The following ATP8A2 variants were observed in gnomAD, a reference collection of about 807,000 sequenced individuals.
ATP8A2 encodes ATPase phospholipid transporting 8A2, also known as phospholipid-transporting ATPase IB.
In ATP8A2, 100 loss-of-function variants were observed where a neutral mutation model predicts 165.6. That is an observed-to-expected ratio of 0.60 (90% CI 0.51 to 0.71). The LOEUF (loss-of-function observed/expected upper bound fraction) is 0.71, where lower values mean the gene tolerates loss of function less well. Among genes scored for constraint, ATP8A2 ranks in the 30% least tolerant of loss-of-function variants. The pLI, the probability that ATP8A2 is intolerant of heterozygous loss-of-function variation, is 0.00. For synonymous variants in ATP8A2, 543 were observed against 548.8 expected (o/e 0.99, Z 0.15); for missense variants, 1,227 against 1,479.5 (o/e 0.83, Z 2.80).
chr13:25,938,066 A>G (rs1954965760), intron 33 of ATP8A2, among the ~76,000 whole-genome samples: 1 of 152,104 alleles, frequency 6.6e-6, no homozygotes, highest in African/African-American at 2.4e-5. Context: ...TATTGAAAAG[A>G]TAAATTGAAA....
intron 24 of ATP8A2, among the ~76,000 whole-genome samples, chr13:25,636,091 G>A (rs1346167174): frequency 2.0e-5 from 3 of 152,140 alleles, no homozygotes; most frequent in Non-Finnish European, 2.9e-5. Context: ...CCACAGTGAA[G>A]GCCGTGGGAG....
intron 16 of ATP8A2, 56 bp from the exon 17 acceptor site, chr13:25,570,711 C>A (rs2039442713): frequency 7.4e-7 from 1 of 1,359,556 alleles, no homozygotes; most frequent in African/African-American, 1.4e-5. Context: ...CTTGTGTGAG[C>A]CCTGGTGCCT....
intron 33 of ATP8A2, among the ~76,000 whole-genome samples, chr13:25,926,141 T>C (rs1954598992): frequency 6.6e-6 from 1 of 152,158 alleles, no homozygotes; most frequent in South Asian, 2.1e-4. Context: ...TATGAAATAG[T>C]CCATGATTCC....
At chr13:25,510,514 G>C (rs2037191194) in intron 2 of ATP8A2, among the ~76,000 whole-genome samples, 1 of 152,208 alleles carries the variant, frequency 6.6e-6, no homozygotes, top group Admixed American at 6.5e-5. Context: ...AAAGACTCCT[G>C]TGCTGAAAGC....
chr13:25,813,234 A>G (rs1012178208), intron 27 of ATP8A2, among the ~76,000 whole-genome samples: 3 of 152,114 alleles, frequency 2.0e-5, no homozygotes, highest in African/African-American at 7.2e-5. Context: ...AAAAAAAAAG[A>G]AAGTTGCCTA....
intron 33 of ATP8A2, among the ~76,000 whole-genome samples, chr13:25,918,547 G>T (rs1954336136): frequency 6.6e-6 from 1 of 151,990 alleles, no homozygotes; most frequent in Non-Finnish European, 1.5e-5. Context: ...AGTCCAAAGG[G>T]GCTCTTAATT....
At chr13:25,506,940 C>CATATATATGT (rs1555285046) in intron 2 of ATP8A2, among the ~76,000 whole-genome samples, 1 of 128,712 alleles carries the variant, frequency 7.8e-6, no homozygotes, top group Non-Finnish European at 1.7e-5. Context: ...CAGTACAGTA[C>CATATATATGT]ATATATATAT....
intron 33 of ATP8A2, 61 bp downstream of exon 33, chr13:25,862,469 G>A: frequency 7.5e-7 from 1 of 1,330,668 alleles, no homozygotes; most frequent in Admixed American, 1.7e-5. Flanking sequence ...TTTCTCCATG[G>A]GCGGGTGAGC....
chr13:25,960,388 C>A (rs1413178432), intron 33 of ATP8A2, among the ~76,000 whole-genome samples: 2 of 152,140 alleles, frequency 1.3e-5, no homozygotes, highest in African/African-American at 4.8e-5. Flanking sequence ...CCCTCCCAGT[C>A]CCTGTGGGGG....
chr13:25,574,965 T>C, intron 19 of ATP8A2, 108 bp downstream of exon 19: 2 of 556,996 alleles, frequency 3.6e-6, no homozygotes, highest in Non-Finnish European at 6.2e-6. Context: ...TACTTAAGTA[T>C]TAAATATAAT....
chr13:25,513,338 G>A (rs868610852), intron 2 of ATP8A2, among the ~76,000 whole-genome samples: 218 of 151,574 alleles, frequency 1.4e-3, no homozygotes, highest in Non-Finnish European at 2.4e-3. Flanking sequence ...GGGCAGAGGC[G>A]CTCCCCACAT....
At chr13:25,578,587 A>G (rs2039684086) in intron 20 of ATP8A2, among the ~76,000 whole-genome samples, 2 of 152,176 alleles carry the variant, frequency 1.3e-5, no homozygotes, top group African/African-American at 4.8e-5. Flanking sequence ...TCTCCCCAGC[A>G]TATTTTTGTT....
chr13:25,507,769 T>G (rs1414072840), intron 2 of ATP8A2, among the ~76,000 whole-genome samples: 3 of 152,220 alleles, frequency 2.0e-5, no homozygotes, highest in Non-Finnish European at 1.5e-5. Flanking sequence ...GCTATAAATA[T>G]TTTGGAACAT....
intron 28 of ATP8A2, among the ~76,000 whole-genome samples, chr13:25,831,157 CTT>C (rs754186959): frequency 2.0e-5 from 3 of 151,186 alleles, no homozygotes; most frequent in East Asian, 1.9e-4. Flanking sequence ...TAAATGTACT[CTT>C]TGTTTGATTC....
intron 33 of ATP8A2, among the ~76,000 whole-genome samples, chr13:25,904,758 C>G (rs772646963): frequency 5.9e-5 from 9 of 152,164 alleles, no homozygotes; most frequent in Non-Finnish European, 1.0e-4. Context: ...ATATCCATAT[C>G]CTACACCATT....
intron 27 of ATP8A2, among the ~76,000 whole-genome samples, chr13:25,820,912 T>C (rs1171847069): frequency 6.6e-6 from 1 of 152,092 alleles, no homozygotes; most frequent in Non-Finnish European, 1.5e-5. Flanking sequence ...AAGAAGTGGA[T>C]TTTTTTGTTT....
At chr13:26,010,013 C>A (rs746248299) in intron 35 of ATP8A2, among the ~76,000 whole-genome samples, 5 of 152,260 alleles carry the variant, frequency 3.3e-5, no homozygotes, top group Non-Finnish European at 7.3e-5. Context: ...CTGCAGTGAG[C>A]CGAGATTGCG....
At chr13:25,506,409 T>G (rs1008630589) in intron 2 of ATP8A2, among the ~76,000 whole-genome samples, 1 of 152,226 alleles carries the variant, frequency 6.6e-6, no homozygotes, top group Non-Finnish European at 1.5e-5. Context: ...TGGGGCCAAA[T>G]GTACCATCTG....
At chr13:25,742,505 A>G (rs779876086) in intron 25 of ATP8A2, among the ~76,000 whole-genome samples, 4 of 152,090 alleles carry the variant, frequency 2.6e-5, no homozygotes, top group African/African-American at 7.2e-5. Context: ...GTGCTTCTCA[A>G]AATGTTTTCT....
Sources: allele counts gnomAD v4.1 joint callset (sites outside exome capture counted in the v4.1 genomes callset), GRCh38; gene constraint gnomAD v4.1.1; transcripts MANE v1.5; gene names NCBI Gene and HGNC (gene_info 2026-07-23, HGNC 2026-07-21).